Variants in ITSN1 observed in about 807,000 individuals in gnomAD.
ITSN1 encodes intersectin 1, also known as intersectin-1.
Under a neutral mutation model 239.8 loss-of-function variants are expected in ITSN1, and 58 were observed. That is an observed-to-expected ratio of 0.24 (90% CI 0.20 to 0.30). The LOEUF (loss-of-function observed/expected upper bound fraction) is 0.30, where lower values mean the gene tolerates loss of function less well. Ranked by LOEUF, ITSN1 falls within the 10% of genes least tolerant of loss-of-function variation. The pLI is 1.00. For synonymous variants in ITSN1, 780 were observed against 770.8 expected (o/e 1.01, Z -0.20); for missense variants, 1,558 against 2,103.3 (o/e 0.74, Z 5.07).
chr21:33,690,775 G>GTATATATA (rs1160314187), intron 1 of ITSN1, among the ~76,000 whole-genome samples: 4 of 21,622 alleles, frequency 1.8e-4, no homozygotes, highest in Non-Finnish European at 2.8e-4. Context: ...AAAAAAAAGT[G>GTATATATA]TATATATATA....
chr21:33,656,089 CATACCTGTCAAGTCCAAGGATTCTGAT>C (rs2089046060), intron 1 of ITSN1, among the ~76,000 whole-genome samples: 1 of 152,166 alleles, frequency 6.6e-6, no homozygotes, highest in South Asian at 2.1e-4. Flanking sequence ...TAGTGACTCA[CATACCTGTCAAGTCCAAGGATTCTGAT>C]TGGCCTGGCA....
intron 1 of ITSN1, among the ~76,000 whole-genome samples, chr21:33,684,785 G>T (rs1056848193): frequency 1.3e-5 from 2 of 152,096 alleles, no homozygotes; most frequent in African/African-American, 4.8e-5. Context: ...TCTTCCACTT[G>T]TGTGAACTAC....
intron 24 of ITSN1, among the ~76,000 whole-genome samples, chr21:33,820,760 C>T (rs2073620626): frequency 6.6e-6 from 1 of 152,158 alleles, no homozygotes; most frequent in South Asian, 2.1e-4. Flanking sequence ...ATCTTAATGA[C>T]TTTTTATCCA....
chr21:33,746,417 G>T (rs774888119), intron 5 of ITSN1, among the ~76,000 whole-genome samples: 1 of 152,082 alleles, frequency 6.6e-6, no homozygotes, highest in African/African-American at 2.4e-5. Flanking sequence ...CAGCAATTAC[G>T]TTCAAAGAAC....
At chr21:33,743,925 G>A (rs923969054) in intron 5 of ITSN1, among the ~76,000 whole-genome samples, 4 of 152,290 alleles carry the variant, frequency 2.6e-5, no homozygotes, top group East Asian at 3.9e-4. Context: ...CAGACAAAAC[G>A]TTACCAATTT....
intron 1 of ITSN1, among the ~76,000 whole-genome samples, chr21:33,661,973 T>C (rs1296355000): frequency 6.6e-6 from 1 of 152,108 alleles, no homozygotes; most frequent in Non-Finnish European, 1.5e-5. Flanking sequence ...TGAACCCCCA[T>C]GAAAGGGTCT....
chr21:33,721,944 G>A (rs1008183856), intron 3 of ITSN1: 1 of 146,258 alleles, frequency 6.8e-6, no homozygotes, highest in Non-Finnish European at 1.5e-5. Context: ...TTTCGCTCTT[G>A]TTACCCAGGC....
At chr21:33,808,972 A>T (rs1300651957) in intron 20 of ITSN1, among the ~76,000 whole-genome samples, 1 of 152,224 alleles carries the variant, frequency 6.6e-6, no homozygotes, top group African/African-American at 2.4e-5. Context: ...AGAGACAGCT[A>T]TGTTTCCAGT....
rs1362581108 is a variant in ITSN1, at chr21:33,670,807, A to G, written c.-33+28094A>G. 2.6e-5 allele frequency among the ~76,000 whole-genome samples: 4 copies of G among 152,238 alleles called. No homozygotes were observed. In the East Asian group the frequency reaches 7.7e-4, roughly 29 times the overall value. On this transcript the variant is annotated intron_variant, in intron 1 of 39. Coordinates refer to ENST00000381318, the MANE Select transcript of ITSN1 (RefSeq NM_003024.3). ...ATCACATGCTCACTAGGTCAGGTGC[A>G]CTGAGAATGCAGTGGCTGCAAATGC...
intron 1 of ITSN1, among the ~76,000 whole-genome samples, chr21:33,674,760 G>A (rs58666456): frequency 1.1e-3 from 160 of 152,242 alleles, no homozygotes; most frequent in Middle Eastern, 6.8e-3. Context: ...TATTATAGGA[G>A]TAATGCATGT....
rs183876286 is a variant in ITSN1 at position 33,747,044 on chromosome 21, T to C, written c.347-3099T>C. On this transcript the variant is annotated intron_variant, in intron 5 of 39. Transcript: ENST00000381318. ...TGGCAGATGCCTGTAATCCCAGTTATTGGGGAGTCTGAGGCAGGAGAATAA... is the reference window on the plus strand; with the variant it reads ...TGGCAGATGCCTGTAATCCCAGTTACTGGGGAGTCTGAGGCAGGAGAATAA... 3.7e-3 allele frequency among the ~76,000 whole-genome samples: 562 copies of C among 152,108 alleles called. 3 individuals carry two copies. The highest frequency in any genetic ancestry group is 0.013 in the African/African-American group (545 of 41,480).
chr21:33,863,368 G>A (rs1177478565), intron 31 of ITSN1, among the ~76,000 whole-genome samples: 1 of 152,138 alleles, frequency 6.6e-6, no homozygotes, highest in Non-Finnish European at 1.5e-5. Flanking sequence ...ACAGGCCAGC[G>A]GCCGGGGCCG....
intron 25 of ITSN1, among the ~76,000 whole-genome samples, chr21:33,826,184 T>A (rs1332378004): frequency 1.3e-5 from 2 of 152,204 alleles, no homozygotes; most frequent in Non-Finnish European, 2.9e-5. Flanking sequence ...AAATATGCTC[T>A]GCCTCTATGC....
chr21:33,758,230 C>G (rs1051360548), intron 8 of ITSN1, among the ~76,000 whole-genome samples: 1 of 152,040 alleles, frequency 6.6e-6, no homozygotes, highest in Non-Finnish European at 1.5e-5. Context: ...CTCGGGGGAT[C>G]CTCCCACCTC....
intron 1 of ITSN1, among the ~76,000 whole-genome samples, chr21:33,702,113 T>TGAAAG (rs772482560): frequency 7.0e-6 from 1 of 142,694 alleles, no homozygotes; most frequent in Non-Finnish European, 1.5e-5. Context: ...TTTTTTTTTT[T>TGAAAG]TTTTTTTTTT....
intron 19 of ITSN1, 143 bp from the exon 20 acceptor site, chr21:33,802,287 G>A (rs1421886651): frequency 1.4e-6 from 1 of 731,702 alleles, no homozygotes; most frequent in Non-Finnish European, 2.4e-6. Flanking sequence ...TGTAATCCTA[G>A]GCCTGTTGAA....
rs770102858 is a variant in ITSN1, at chr21:33,844,719, GT to G, written c.3661+8088del. Among the ~76,000 whole-genome samples, 43 of 152,192 alleles carry G rather than the reference GT, an allele frequency of 2.8e-4. No individual in the cohort carries two copies. In the Middle Eastern group the frequency reaches 0.02, roughly 72 times the overall value. ...GGCCCCCCAGGAGAGCGAGCCTGCAGTCCGCCCCAGCAGAGGGGACCAGGCC... is the reference window on the plus strand; with the variant it reads ...GGCCCCCCAGGAGAGCGAGCCTGCAGCCGCCCCAGCAGAGGGGACCAGGCC... On this transcript the variant is annotated intron_variant, in intron 29 of 39. Coordinates refer to ENST00000381318, the MANE Select transcript of ITSN1 (RefSeq NM_003024.3).
chr21:33,741,652 G>T (rs1198335772), intron 5 of ITSN1, among the ~76,000 whole-genome samples: 1 of 151,974 alleles, frequency 6.6e-6, no homozygotes. Context: ...CAGCACTTTG[G>T]GGGGCCCAGG....
intron 1 of ITSN1, among the ~76,000 whole-genome samples, chr21:33,655,984 A>G (rs1447307796): frequency 6.6e-6 from 1 of 152,182 alleles, no homozygotes; most frequent in Non-Finnish European, 1.5e-5. Flanking sequence ...AGGAAGAAAA[A>G]GGAAGGTTGC....
Sources: gnomAD v4.1 joint callset for allele counts (sites outside exome capture counted in the v4.1 genomes callset) on GRCh38, gnomAD v4.1.1 for gene constraint, MANE v1.5 for transcripts, NCBI Gene and HGNC (gene_info 2026-07-23, HGNC 2026-07-21) for gene names.